Variants in DBX2 observed in about 807,000 individuals in gnomAD.
DBX2 encodes the protein developing brain homeobox 2.
DBX2 carries 16 observed loss-of-function variants against 17.7 expected under a neutral mutation model. That is an observed-to-expected ratio of 0.90 (90% CI 0.61 to 1.37). DBX2 has a LOEUF of 1.37. Ranked by LOEUF, DBX2 falls within the 40% of genes most tolerant of loss-of-function variation. The pLI is 0.00. For missense variants in DBX2, 538 were observed against 433.8 expected, an observed-to-expected ratio of 1.24 and a Z score of -2.13; for synonymous variants, 255 against 183.8, an observed-to-expected ratio of 1.39 and a Z score of -3.13.
intron 2 of DBX2, among the ~76,000 whole-genome samples, chr12:45,024,388 G>A (rs568096656): frequency 3.0e-4 from 46 of 152,138 alleles, no homozygotes; most frequent in Non-Finnish European, 4.7e-4. Context: ...AGCAGCATGA[G>A]AACAGACTAA....
intron 1 of DBX2, among the ~76,000 whole-genome samples, chr12:45,045,260 T>C (rs115390266): frequency 0.01 from 1,582 of 152,326 alleles, 23 homozygotes; most frequent in African/African-American, 0.036. Context: ...AGAAAAACTT[T>C]ACTTAGAGCT....
intron 2 of DBX2, among the ~76,000 whole-genome samples, chr12:45,024,223 A>G (rs1592751798): frequency 6.6e-6 from 1 of 152,174 alleles, no homozygotes; most frequent in East Asian, 1.9e-4. Flanking sequence ...TGCACTTCTC[A>G]TTCTTCTCCT....
rs899320864 is a variant in DBX2 at position 45,015,344 on chromosome 12, A to C, written c.*942T>G. The C allele has an allele frequency of 3.9e-5, 6 of 152,190 alleles. No individual in the cohort carries two copies. Among genetic ancestry groups the C allele is most frequent in the Admixed American group, 2.0e-4 (3 of 15,282 alleles). 9.4% of individuals were successfully genotyped at this position (152,190 alleles called of 1,614,324 possible). ...TTGTGGTTTTAAGTCCAGTTAGAAA[A>C]ATTTTAAGAACTGTGACACCACGGC... On this transcript the variant is annotated 3_prime_UTR_variant, in exon 4 of 4. Transcript: ENST00000332700.
intron 3 of DBX2, among the ~76,000 whole-genome samples, chr12:45,018,073 C>G (rs1466371150): frequency 6.6e-6 from 1 of 152,162 alleles, no homozygotes; most frequent in Non-Finnish European, 1.5e-5. Context: ...ACTGTCATCT[C>G]AGTTACAACA....
At chr12:45,037,329 C>G (rs1375303481) in intron 1 of DBX2, among the ~76,000 whole-genome samples, 2 of 152,146 alleles carry the variant, frequency 1.3e-5, no homozygotes, top group African/African-American at 4.8e-5. Flanking sequence ...CATACCATGA[C>G]ACATTCAACA....
Position 45,051,023 on chromosome 12 carries a change from G to T in DBX2, c.-96C>A. On this transcript the variant is annotated 5_prime_UTR_variant, in exon 1 of 4. Coordinates refer to ENST00000332700, the MANE Select transcript of DBX2 (RefSeq NM_001004329.3). Reference sequence around the variant, plus strand: ...CCCAGAGCCGCAGCTTCTCGCCGCCGCCTCCCGCAGGGCTGGAGCGCGCGG... The same window carrying T: ...CCCAGAGCCGCAGCTTCTCGCCGCCTCCTCCCGCAGGGCTGGAGCGCGCGG... 7.7e-7 allele frequency: 1 copy of T among 1,292,958 alleles called. No individual in the cohort carries two copies. The allele number at this position is 1,292,958 out of a possible 1,614,324, so 80.1% of individuals were successfully genotyped here. A position where few individuals can be genotyped will look rare whatever the true frequency, so the allele number is the denominator to read the frequency against.
chr12:45,026,032 G>A (rs893375011), intron 2 of DBX2, among the ~76,000 whole-genome samples: 2 of 152,042 alleles, frequency 1.3e-5, no homozygotes, highest in South Asian at 4.1e-4. Flanking sequence ...TTTGGTCTTA[G>A]CATGTTGGTT....
At chr12:45,039,166 T>A (rs1946455855) in intron 1 of DBX2, among the ~76,000 whole-genome samples, 1 of 150,512 alleles carries the variant, frequency 6.6e-6, no homozygotes, top group Admixed American at 6.6e-5. Flanking sequence ...TTTTTTTTTT[T>A]ACATGTTCCT....
chr12:45,025,677 A>G (rs1038802506), intron 2 of DBX2, among the ~76,000 whole-genome samples: 1 of 150,714 alleles, frequency 6.6e-6, no homozygotes, highest in Non-Finnish European at 1.5e-5. Flanking sequence ...GTAACATAGC[A>G]CCAGAAAGGC....
rs926680426 is a variant in DBX2, at chr12:45,050,631, G to A, written c.297C>T (p.Tyr99=). ...GCACTTGAAAAGCCCACCGCGTTCC[G>A]TAGGGCGCCCCGGCGGGGCTAACTT... ...AEQVSPAGAP[Y]GTRWAFQVLS... is the part of the protein sequence containing the mutation. Residue 99 remains tyrosine (Y), a synonymous_variant, in exon 1 of 4, where the codon TAC becomes TAT. Coordinates refer to ENST00000332700, the MANE Select transcript of DBX2 (RefSeq NM_001004329.3). 20 of 1,550,138 alleles carry A rather than the reference G, an allele frequency of 1.3e-5. No individual in the cohort carries two copies. Among genetic ancestry groups the A allele is most frequent in the Non-Finnish European group, 1.7e-5 (20 of 1,147,070 alleles).
rs950979459 is a variant in DBX2 at position 45,021,087 on chromosome 12, T to C, written c.687+2620A>G. Among the ~76,000 whole-genome samples the C allele has an allele frequency of 3.3e-5, 5 of 152,264 alleles. No individual in the cohort carries two copies. In the East Asian group the frequency reaches 7.7e-4, roughly 23 times the overall value. On this transcript the variant is annotated intron_variant, in intron 3 of 3. Transcript: ENST00000332700. ...CTTCTGAGATGCTGTAACTGATATATTGATATATTTACAAATAAGACTGAT... is the reference window on the plus strand; with the variant it reads ...CTTCTGAGATGCTGTAACTGATATACTGATATATTTACAAATAAGACTGAT...
chr12:45,029,511 G>A (rs1340798370), intron 2 of DBX2, among the ~76,000 whole-genome samples: 1 of 152,192 alleles, frequency 6.6e-6, no homozygotes, highest in Non-Finnish European at 1.5e-5. Context: ...GATTGTCAAA[G>A]GTACGAGTGG....
At chr12:45,038,607 GC>G (rs1946452921) in intron 1 of DBX2, among the ~76,000 whole-genome samples, 2 of 149,842 alleles carry the variant, frequency 1.3e-5, no homozygotes, top group African/African-American at 4.9e-5. Flanking sequence ...CAACCCTAGG[GC>G]CCTAAAAGTG....
chr12:45,029,879 A>AAAATAAATAAAT (rs146831156), intron 2 of DBX2, among the ~76,000 whole-genome samples: 18,579 of 143,058 alleles, frequency 0.13, 1,451 homozygotes, highest in African/African-American at 0.2. Flanking sequence ...AAAAATAATA[A>AAAATAAATAAAT]AAATAAATAA....
chr12:45,029,256 G>C (rs1267885437), intron 2 of DBX2, among the ~76,000 whole-genome samples: 1 of 152,170 alleles, frequency 6.6e-6, no homozygotes, highest in African/African-American at 2.4e-5. Context: ...GGTGCTACAG[G>C]CTCTATCAAT....
chr12:45,039,160 T>TA (rs977183649), intron 1 of DBX2, among the ~76,000 whole-genome samples: 1 of 150,838 alleles, frequency 6.6e-6, no homozygotes, highest in Non-Finnish European at 1.5e-5. Flanking sequence ...AAGTGCTTTT[T>TA]TTTTTTACAT....
chr12:45,021,848 CATGATACTGTCTATATTATTAT>C (rs59099959), intron 3 of DBX2, among the ~76,000 whole-genome samples: 78,049 of 151,180 alleles, frequency 0.52, 20,671 homozygotes, highest in East Asian at 0.8. Flanking sequence ...TAACCTATCA[CATGATACTGTCTATATTATTAT>C]ATAGTTTTAT....
rs748514225 is a variant in DBX2 at position 45,050,559 on chromosome 12, C to A, written c.369G>T (p.Gly123=). 2.6e-6 allele frequency: 4 copies of A among 1,552,664 alleles called. No homozygotes were observed. The South Asian group carries it at 3.6e-5, about 14-fold the overall frequency. ...DSARLPGRAP[G]DRDCTFQPSA... ...AAGGCTGGAAGGTACAGTCTCGGTCCCCCGGAGCCCGGCCCGGCAGCCTCG... is the reference window on the plus strand; with the variant it reads ...AAGGCTGGAAGGTACAGTCTCGGTCACCCGGAGCCCGGCCCGGCAGCCTCG... Residue 123 remains glycine, a synonymous_variant, in exon 1 of 4, where the codon GGG becomes GGT. Transcript: ENST00000332700.
intron 2 of DBX2, among the ~76,000 whole-genome samples, chr12:45,030,680 C>T (rs1946404609): frequency 6.6e-6 from 1 of 152,176 alleles, no homozygotes; most frequent in Non-Finnish European, 1.5e-5. Flanking sequence ...TTAAGGTTTG[C>T]TTTCTAAGTT....
Sources: allele counts gnomAD v4.1 joint callset (sites outside exome capture counted in the v4.1 genomes callset), GRCh38; gene constraint gnomAD v4.1.1; transcripts MANE v1.5; gene names NCBI Gene and HGNC (gene_info 2026-07-23, HGNC 2026-07-21).